XRCC4: variants seen among roughly 807,000 people sequenced by gnomAD.
The protein encoded by XRCC4 is X-ray repair cross complementing 4.
Under a neutral mutation model 39.1 loss-of-function variants are expected in XRCC4, and 28 were observed. The observed-to-expected ratio is 0.72, with a 90% CI of 0.53 to 0.98. XRCC4 has a LOEUF of 0.98. Among genes scored for constraint, XRCC4 ranks in the 50% least tolerant of loss-of-function variants. The probability of loss-of-function intolerance (pLI) is 0.00; values close to 1 mark genes in which losing one functional copy is unlikely to be tolerated. For synonymous variants in XRCC4, 123 were observed against 126.4 expected (o/e 0.97, Z 0.18); for missense variants, 350 against 376.4 (o/e 0.93, Z 0.58).
chr5:83,116,722 A>G (rs1003369662), intron 3 of XRCC4, among the ~76,000 whole-genome samples: 1 of 147,462 alleles, frequency 6.8e-6, no homozygotes. Context: ...CCCAGGTTCA[A>G]GTGATTCTCC....
intron 7 of XRCC4, among the ~76,000 whole-genome samples, chr5:83,269,308 A>G (rs1036526750): frequency 6.6e-6 from 1 of 152,068 alleles, no homozygotes; most frequent in Non-Finnish European, 1.5e-5. Flanking sequence ...CTATGCTGGG[A>G]CTATAGCACC....
chr5:83,314,256 G>A (rs73138287), intron 7 of XRCC4, among the ~76,000 whole-genome samples: 6,514 of 152,116 alleles, frequency 0.043, 415 homozygotes, highest in African/African-American at 0.14. Flanking sequence ...AAGTAATGCT[G>A]TTCTATACTT....
intron 1 of XRCC4, among the ~76,000 whole-genome samples, chr5:83,098,156 CCA>C (rs887959303): frequency 4.1e-4 from 63 of 152,144 alleles, no homozygotes; most frequent in African/African-American, 1.4e-3. Flanking sequence ...AACTGGCATT[CCA>C]CAGTCATGAG....
At chr5:83,277,986 A>T (rs542305545) in intron 7 of XRCC4, among the ~76,000 whole-genome samples, 2 of 152,356 alleles carry the variant, frequency 1.3e-5, no homozygotes, top group East Asian at 3.9e-4. Flanking sequence ...ATAAAGAAAA[A>T]TACATCATTT....
chr5:83,197,093 T>C (rs921853180), intron 4 of XRCC4, among the ~76,000 whole-genome samples: 1 of 151,384 alleles, frequency 6.6e-6, no homozygotes, highest in Admixed American at 6.6e-5. Context: ...TAGATCTACA[T>C]TTTTATCTCC....
At chr5:83,217,859 G>GC (rs1751923785) in intron 6 of XRCC4, among the ~76,000 whole-genome samples, 2 of 152,102 alleles carry the variant, frequency 1.3e-5, no homozygotes, top group South Asian at 4.1e-4. Flanking sequence ...CCATAAGACT[G>GC]CTAGCCAGCC....
intron 1 of XRCC4, among the ~76,000 whole-genome samples, chr5:83,095,282 G>C (rs1015648965): frequency 3.3e-5 from 5 of 152,186 alleles, no homozygotes; most frequent in African/African-American, 9.7e-5. Context: ...AATGGACACA[G>C]AAATTTCCTC....
intron 3 of XRCC4, among the ~76,000 whole-genome samples, chr5:83,116,621 T>TAG (rs1746728741): frequency 7.9e-6 from 1 of 126,260 alleles, no homozygotes; most frequent in Non-Finnish European, 1.7e-5. Context: ...TTTTTTTTTT[T>TAG]TTTTTTTTTT....
At chr5:83,310,471 A>C (rs534684274) in intron 7 of XRCC4, among the ~76,000 whole-genome samples, 1 of 152,314 alleles carries the variant, frequency 6.6e-6, no homozygotes, top group East Asian at 1.9e-4. Context: ...TTTCATTATT[A>C]TTATATAATA....
intron 7 of XRCC4, among the ~76,000 whole-genome samples, chr5:83,326,799 C>T (rs1029337676): frequency 2.8e-4 from 42 of 152,006 alleles, no homozygotes; most frequent in African/African-American, 9.2e-4. Flanking sequence ...TTAAGCATCC[C>T]TTGACAATTT....
At chr5:83,198,095 GA>G (rs1561397895) in intron 4 of XRCC4, among the ~76,000 whole-genome samples, 1 of 152,144 alleles carries the variant, frequency 6.6e-6, no homozygotes, top group Non-Finnish European at 1.5e-5. Context: ...AGGGAGATTA[GA>G]AATAGGACAT....
chr5:83,191,521 G>A (rs1750692934), intron 3 of XRCC4, among the ~76,000 whole-genome samples: 1 of 152,140 alleles, frequency 6.6e-6, no homozygotes, highest in African/African-American at 2.4e-5. Flanking sequence ...TGACCAACAT[G>A]GTGAAACCCT....
At chr5:83,110,046 G>A (rs28383148) in intron 2 of XRCC4, among the ~76,000 whole-genome samples, 2,221 of 151,968 alleles carry the variant, frequency 0.015, 62 homozygotes, top group African/African-American at 0.051. Context: ...TGTAAAAATC[G>A]AGGTGAGAAA....
At chr5:83,237,597 G>A (rs752876793) in intron 6 of XRCC4, among the ~76,000 whole-genome samples, 1 of 152,070 alleles carries the variant, frequency 6.6e-6, no homozygotes, top group African/African-American at 2.4e-5. Flanking sequence ...TGATAAAGAG[G>A]GGAATAGGGT....
rs144412074 is a variant in XRCC4 at position 83,085,573 on chromosome 5, A to G, written c.-11+7958A>G. On this transcript the variant is annotated intron_variant, in intron 1 of 7. Transcript: ENST00000396027. ...AACATAAAATGACAGTATCATTGCT[A>G]TTTATAAATTTGTAAATTAGCTGTG... Among the ~76,000 whole-genome samples, 12 of 152,258 alleles carry G rather than the reference A, an allele frequency of 7.9e-5. No homozygotes were observed. In the East Asian group the frequency reaches 1.7e-3, roughly 22 times the overall value.
chr5:83,101,545 A>G (rs2112357983), intron 1 of XRCC4, among the ~76,000 whole-genome samples: 1 of 152,204 alleles, frequency 6.6e-6, no homozygotes, highest in East Asian at 1.9e-4. Context: ...TGTTCTTTTA[A>G]ATAGTGTTGA....
chr5:83,356,555 CATA>C (rs1464325436), downstream of XRCC4, among the ~76,000 whole-genome samples: 4 of 152,276 alleles, frequency 2.6e-5, no homozygotes, highest in African/African-American at 9.6e-5. Context: ...TAGAACAGAA[CATA>C]ATAAGCCTAT....
rs1447814751 is a variant in XRCC4, at chr5:83,258,682, G to C, written c.893+5G>C. 3 of 1,609,292 alleles carry C rather than the reference G, an allele frequency of 1.9e-6. No individual in the cohort carries two copies. The highest frequency in any genetic ancestry group is 2.5e-6 in the Non-Finnish European group (3 of 1,178,224). On this transcript the variant is annotated splice_donor_5th_base_variant and intron_variant, in intron 7 of 7. Transcript: ENST00000396027. ...TCAGCTTCAAGAAAAGGAAAAGTAAGTCATTTTATTCTTTGCCAAGAAGTG... is the reference window on the plus strand; with the variant it reads ...TCAGCTTCAAGAAAAGGAAAAGTAACTCATTTTATTCTTTGCCAAGAAGTG...
At chr5:83,333,876 T>G (rs1372067187) in intron 7 of XRCC4, among the ~76,000 whole-genome samples, 1 of 151,994 alleles carries the variant, frequency 6.6e-6, no homozygotes, top group Non-Finnish European at 1.5e-5. Context: ...TTCAAGCGAT[T>G]CCCCTGCCTC....
Sources: gnomAD v4.1 joint callset for allele counts (sites outside exome capture counted in the v4.1 genomes callset) on GRCh38, gnomAD v4.1.1 for gene constraint, MANE v1.5 for transcripts, NCBI Gene and HGNC (gene_info 2026-07-23, HGNC 2026-07-21) for gene names.